The following NAV3 variants were observed in gnomAD, a reference collection of about 807,000 sequenced individuals.
NAV3 encodes pore membrane and/or filament interacting like protein 1.
NAV3 carries 87 observed loss-of-function variants against 244.7 expected under a neutral mutation model. The ratio of observed to expected loss-of-function variants is 0.36; its 90% CI spans 0.30 to 0.42. NAV3 has a LOEUF of 0.42. NAV3 is among the 20% of genes least tolerant of loss of function. The probability of loss-of-function intolerance (pLI) is 1.00; values close to 1 mark genes in which losing one functional copy is unlikely to be tolerated. For missense variants in NAV3, 2,663 were observed against 2,893.3 expected, an observed-to-expected ratio of 0.92 and a Z score of 1.83; for synonymous variants, 1,126 against 1,042.2, an observed-to-expected ratio of 1.08 and a Z score of -1.55.
intron 2 of NAV3, among the ~76,000 whole-genome samples, chr12:77,737,314 G>A (rs1005295015): frequency 1.3e-5 from 2 of 150,482 alleles, no homozygotes; most frequent in Non-Finnish European, 3.0e-5. Context: ...ATAGAACAGT[G>A]TTTCTTAAAA....
intron 5 of NAV3, among the ~76,000 whole-genome samples, chr12:77,992,354 T>C (rs1039213545): frequency 3.3e-5 from 5 of 152,224 alleles, no homozygotes; most frequent in African/African-American, 9.7e-5. Context: ...AATGGAATTA[T>C]AGATATTTAA....
intron 2 of NAV3, among the ~76,000 whole-genome samples, chr12:77,679,002 A>C (rs1382341171): frequency 6.6e-6 from 1 of 152,198 alleles, no homozygotes; most frequent in Non-Finnish European, 1.5e-5. Flanking sequence ...AAACTTTCAA[A>C]AATGTAGTTT....
chr12:78,009,098 A>C (rs921555640), intron 8 of NAV3, among the ~76,000 whole-genome samples: 1 of 152,204 alleles, frequency 6.6e-6, no homozygotes, highest in Non-Finnish European at 1.5e-5. Flanking sequence ...CTTTTAAAAA[A>C]ATTGTTTGCA....
At chr12:77,721,276 G>A (rs1252687197) in intron 2 of NAV3, among the ~76,000 whole-genome samples, 1 of 152,002 alleles carries the variant, frequency 6.6e-6, no homozygotes, top group Non-Finnish European at 1.5e-5. Context: ...ATAACTACAG[G>A]ACAGATCCAA....
intron 1 of NAV3, among the ~76,000 whole-genome samples, chr12:77,922,660 A>G (rs1353627425): frequency 1.3e-5 from 2 of 152,020 alleles, no homozygotes; most frequent in Admixed American, 1.3e-4. Flanking sequence ...TCAACCAGAA[A>G]CTTCTTGTTA....
At chr12:77,755,776 C>T (rs898574658) in intron 2 of NAV3, among the ~76,000 whole-genome samples, 5 of 150,750 alleles carry the variant, frequency 3.3e-5, no homozygotes, top group Non-Finnish European at 7.4e-5. Context: ...CCTTGTCACT[C>T]AGGGTGGAGT....
rs190014397 is a variant in NAV3 at position 77,939,019 on chromosome 12, C to T, written c.244-1300C>T. ...TACATCAATTCTGGAACTCTTCATA[C>T]CAAATTATTCAAAAATGGACAGGGT... On this transcript the variant is annotated intron_variant, in intron 1 of 39. Transcript: ENST00000397909. Among the ~76,000 whole-genome samples the T allele has an allele frequency of 1.6e-3, 243 of 150,502 alleles. 3 individuals carry two copies. The South Asian group carries it at 0.018, about 11-fold the overall frequency.
intron 2 of NAV3, among the ~76,000 whole-genome samples, chr12:77,602,955 C>T (rs1326657068): frequency 1.3e-5 from 2 of 152,030 alleles, no homozygotes; most frequent in Non-Finnish European, 2.9e-5. Flanking sequence ...TATACTCTCC[C>T]TCAGTTTCTT....
chr12:77,947,350 C>T (rs973193665), intron 3 of NAV3: 1 of 150,866 alleles, frequency 6.6e-6, no homozygotes, highest in Admixed American at 6.6e-5. Flanking sequence ...TTATCAGTAG[C>T]CTGTCCTTTA....
chr12:78,010,025 T>A (rs901154100), intron 8 of NAV3, among the ~76,000 whole-genome samples: 2 of 152,162 alleles, frequency 1.3e-5, no homozygotes, highest in African/African-American at 4.8e-5. Context: ...GACCAGCCTG[T>A]ACACCAGAGC....
At chr12:77,595,062 C>A (rs556059351) in intron 2 of NAV3, among the ~76,000 whole-genome samples, 1 of 152,088 alleles carries the variant, frequency 6.6e-6, no homozygotes, top group East Asian at 1.9e-4. Context: ...TAGGTATATG[C>A]CTAAGGAAAA....
chr12:77,769,396 G>T (rs139869890), intron 2 of NAV3, among the ~76,000 whole-genome samples: 157 of 152,262 alleles, frequency 1.0e-3, no homozygotes, highest in African/African-American at 3.5e-3. Context: ...CTCCCAGAGT[G>T]GTCATGCAAT....
chr12:77,641,252 T>C (rs1041207974), intron 2 of NAV3, among the ~76,000 whole-genome samples: 3 of 152,096 alleles, frequency 2.0e-5, no homozygotes, highest in African/African-American at 7.2e-5. Context: ...CATTCTTGGA[T>C]GGTCTTGTCC....
chr12:77,912,793 C>T (rs970540303), intron 1 of NAV3, among the ~76,000 whole-genome samples: 3 of 151,924 alleles, frequency 2.0e-5, no homozygotes, highest in Admixed American at 2.0e-4. Context: ...TGTATTTTTA[C>T]TAGAGATGGG....
intron 1 of NAV3, among the ~76,000 whole-genome samples, chr12:77,904,377 A>G (rs1332791845): frequency 2.0e-5 from 3 of 152,182 alleles, no homozygotes; most frequent in Non-Finnish European, 4.4e-5. Context: ...CATCATTCTC[A>G]GCAAACTATC....
At chr12:78,064,426 T>TCTGTCTGTCTGCCTGCCTGCCTGCCTGC in intron 12 of NAV3, among the ~76,000 whole-genome samples, 1 of 136,292 alleles carries the variant, frequency 7.3e-6, no homozygotes, top group African/African-American at 2.7e-5. Context: ...TGTCTGTCTG[T>TCTGTCTGTCTGCCTGCCTGCCTGCCTGC]CTGCCTGCCT....
chr12:77,673,040 AGTT>A (rs1874057209), intron 2 of NAV3, among the ~76,000 whole-genome samples: 1 of 152,146 alleles, frequency 6.6e-6, no homozygotes, highest in South Asian at 2.1e-4. Context: ...TGTAGAAAGT[AGTT>A]ATTACTTGTA....
intron 16 of NAV3, 114 bp downstream of exon 16, chr12:78,122,542 T>C (rs1955720821): frequency 1.5e-6 from 2 of 1,299,818 alleles, no homozygotes; most frequent in African/African-American, 1.5e-5. Flanking sequence ...TGCAAAAAGA[T>C]GTAAGACTGA....
rs1880100283 is a variant in NAV3, at chr12:78,037,480, G to A, written c.2024-12513G>A. 3 of 595,054 alleles carry A rather than the reference G, an allele frequency of 5.0e-6. No homozygotes were observed. In the South Asian group the frequency reaches 6.2e-5, roughly 12 times the overall value. The allele number at this position is 595,054 out of a possible 1,614,324, so 36.9% of individuals were successfully genotyped here. A position where few individuals can be genotyped will look rare whatever the true frequency, so the allele number is the denominator to read the frequency against. On this transcript the variant is annotated intron_variant, in intron 9 of 39. Coordinates refer to ENST00000397909, the MANE Select transcript of NAV3 (RefSeq NM_001024383.2). The stretch of plus-strand genomic sequence containing the variant: ...TTTGCATTTGCCAAATAGCTTTCAT[G>A]TTTTTAGACTGATTTTTAAAAATAC...
Sources: gnomAD v4.1 joint callset for allele counts (sites outside exome capture counted in the v4.1 genomes callset) on GRCh38, gnomAD v4.1.1 for gene constraint, MANE v1.5 for transcripts, NCBI Gene and HGNC (gene_info 2026-07-23, HGNC 2026-07-21) for gene names.